RABGAP1L: variants seen among roughly 807,000 people sequenced by gnomAD.
The protein encoded by RABGAP1L is rab GTPase-activating protein 1-like.
In RABGAP1L, 63 loss-of-function variants were observed where a neutral mutation model predicts 137.7. That is an observed-to-expected ratio of 0.46 (90% confidence interval 0.37 to 0.56). The LOEUF is 0.56. RABGAP1L is among the 20% of genes least tolerant of loss of function. RABGAP1L has a pLI of 0.00. For synonymous variants in RABGAP1L, 431 were observed against 433.7 expected, an observed-to-expected ratio of 0.99 and a Z score of 0.08; for missense variants, 1,095 against 1,244.0, an observed-to-expected ratio of 0.88 and a Z score of 1.80.
At chr1:174,160,016 T>G (rs1183500234) in intron 1 of RABGAP1L, 1 of 152,374 alleles carries the variant, frequency 6.6e-6, no homozygotes. Flanking sequence ...CTGTGGCTGC[T>G]GCTGGATTCG....
At chr1:174,311,453 T>TC (rs1158878537) in intron 11 of RABGAP1L, among the ~76,000 whole-genome samples, 1 of 152,174 alleles carries the variant, frequency 6.6e-6, no homozygotes, top group Non-Finnish European at 1.5e-5. Flanking sequence ...CGTATCATCA[T>TC]CCTTCTACTC....
At chr1:174,883,493 A>C (rs1190475472) in intron 19 of RABGAP1L, among the ~76,000 whole-genome samples, 4 of 152,150 alleles carry the variant, frequency 2.6e-5, no homozygotes, top group African/African-American at 9.7e-5. Context: ...TTGATTAGGG[A>C]ATCACTATCA....
chr1:174,692,255 G>A (rs1020092926), intron 15 of RABGAP1L, among the ~76,000 whole-genome samples: 1 of 152,042 alleles, frequency 6.6e-6, no homozygotes, highest in Non-Finnish European at 1.5e-5. Context: ...GTTGTGGAGC[G>A]GGGGGTACAA....
intron 17 of RABGAP1L, among the ~76,000 whole-genome samples, chr1:174,736,761 C>T (rs1313459218): frequency 6.6e-6 from 1 of 152,226 alleles, no homozygotes; most frequent in African/African-American, 2.4e-5. Context: ...TGTGTACCTG[C>T]AGACTTAACA....
chr1:174,822,645 C>A (rs191310209), intron 19 of RABGAP1L, among the ~76,000 whole-genome samples: 5 of 152,316 alleles, frequency 3.3e-5, no homozygotes, highest in Admixed American at 3.3e-4. Flanking sequence ...AGATCCCTTG[C>A]ATGTGCAGTT....
chr1:174,416,686 T>G (rs2149148431), intron 13 of RABGAP1L, among the ~76,000 whole-genome samples: 1 of 152,270 alleles, frequency 6.6e-6, no homozygotes, highest in South Asian at 2.1e-4. Flanking sequence ...TTTAAAAATC[T>G]AACCATTACT....
At chr1:174,361,225 GTTT>G (rs376884093) in intron 11 of RABGAP1L, among the ~76,000 whole-genome samples, 11 of 133,298 alleles carry the variant, frequency 8.3e-5, no homozygotes, top group Non-Finnish European at 1.1e-4. Context: ...CTCCAGTTTT[GTTT>G]TTTTTTTTTT....
intron 14 of RABGAP1L, among the ~76,000 whole-genome samples, chr1:174,668,985 A>G (rs552066965): frequency 6.6e-6 from 1 of 152,276 alleles, no homozygotes; most frequent in South Asian, 2.1e-4. Context: ...AGTTCCTCAT[A>G]TAATTTTCAT....
At position 174,612,207 on chromosome 1, in the gene RABGAP1L, CTTA is replaced by C. The variant is rs1671320452; in HGVS notation, c.1711-25162_1711-25160del. Among the ~76,000 whole-genome samples, 5 of 152,208 alleles carry C rather than the reference CTTA, an allele frequency of 3.3e-5. No individual in the cohort carries two copies. The South Asian group carries it at 1.0e-3, about 32-fold the overall frequency. On this transcript the variant is annotated intron_variant, in intron 13 of 25. Coordinates refer to ENST00000681986, the MANE Select transcript of RABGAP1L (RefSeq NM_001366446.1). ...GGCTGTGGGTCTGTCATAGATAGCT[CTTA>C]TTATTTTGAGATATGTCCCATCAAT...
chr1:174,653,931 C>G (rs1179764111), intron 14 of RABGAP1L, among the ~76,000 whole-genome samples: 1 of 152,056 alleles, frequency 6.6e-6, no homozygotes, highest in South Asian at 2.1e-4. Context: ...TCTGAGAAGC[C>G]TGTCACCAAG....
intron 19 of RABGAP1L, among the ~76,000 whole-genome samples, chr1:174,930,199 A>G (rs1663556929): frequency 6.6e-6 from 1 of 151,674 alleles, no homozygotes; most frequent in Admixed American, 6.6e-5. Context: ...TTATGTATTT[A>G]CTTATGAGAT....
chr1:174,247,954 T>C (rs2148584302), intron 5 of RABGAP1L, among the ~76,000 whole-genome samples: 1 of 151,654 alleles, frequency 6.6e-6, no homozygotes, highest in Non-Finnish European at 1.5e-5. Context: ...AAACTAAATA[T>C]ACACTGAAGT....
intron 17 of RABGAP1L, among the ~76,000 whole-genome samples, chr1:174,713,765 A>G (rs1680775084): frequency 6.6e-6 from 1 of 152,254 alleles, no homozygotes; most frequent in Non-Finnish European, 1.5e-5. Flanking sequence ...GCAAAGCATG[A>G]ACCAGACTAA....
intron 13 of RABGAP1L, among the ~76,000 whole-genome samples, chr1:174,625,894 A>G (rs1277756916): frequency 6.6e-6 from 1 of 152,212 alleles, no homozygotes; most frequent in African/African-American, 2.4e-5. Flanking sequence ...TTATTTTTAT[A>G]CAGTGGATAA....
chr1:174,193,082 T>C (rs1178264237), intron 1 of RABGAP1L, among the ~76,000 whole-genome samples: 1 of 152,256 alleles, frequency 6.6e-6, no homozygotes, highest in Non-Finnish European at 1.5e-5. Context: ...CAGAACTTTC[T>C]GGTTTATAGT....
chr1:174,639,527 G>A (rs982151400), intron 14 of RABGAP1L, among the ~76,000 whole-genome samples: 1 of 152,024 alleles, frequency 6.6e-6, no homozygotes, highest in Non-Finnish European at 1.5e-5. Context: ...AGAGGGTCTG[G>A]TTTATGGCAT....
intron 19 of RABGAP1L, among the ~76,000 whole-genome samples, chr1:174,871,704 A>G (rs887394443): frequency 7.2e-5 from 11 of 152,302 alleles, no homozygotes; most frequent in African/African-American, 2.6e-4. Flanking sequence ...ATGTGAAATG[A>G]TTTCATTTCA....
chr1:174,652,412 G>T (rs540214595), intron 14 of RABGAP1L, among the ~76,000 whole-genome samples: 1 of 152,162 alleles, frequency 6.6e-6, no homozygotes, highest in Non-Finnish European at 1.5e-5. Flanking sequence ...GCCTTTTTCC[G>T]CTGGTTTTTC....
intron 12 of RABGAP1L, among the ~76,000 whole-genome samples, chr1:174,383,547 G>A (rs1443949028): frequency 1.3e-5 from 2 of 152,154 alleles, no homozygotes; most frequent in Admixed American, 6.5e-5. Context: ...GGAGTGACCC[G>A]ATTTTCCAGG....
Sources: gnomAD v4.1 joint callset for allele counts (sites outside exome capture counted in the v4.1 genomes callset) on GRCh38, gnomAD v4.1.1 for gene constraint, MANE v1.5 for transcripts, NCBI Gene and HGNC (gene_info 2026-07-23, HGNC 2026-07-21) for gene names.